Variants in GPN1 observed in about 807,000 individuals in gnomAD.
GPN1 encodes the protein ATP(GTP)-binding protein.
A neutral mutation model predicts 55.9 loss-of-function variants in GPN1; 44 were observed. That is an observed-to-expected ratio of 0.79 (90% CI 0.62 to 1.01). The LOEUF (loss-of-function observed/expected upper bound fraction) is 1.01. Ranked by LOEUF, GPN1 falls within the 50% of genes least tolerant of loss-of-function variation. The pLI, the probability that GPN1 is intolerant of heterozygous loss-of-function variation, is 0.00. For synonymous variants in GPN1, 179 were observed against 162.5 expected (o/e 1.10, Z -0.77); for missense variants, 466 against 462.8 (o/e 1.01, Z -0.06).
intron 7 of GPN1, among the ~76,000 whole-genome samples, chr2:27,637,031 G>C (rs987366850): frequency 7.9e-5 from 12 of 151,842 alleles, no homozygotes; most frequent in African/African-American, 2.4e-4. Context: ...ACAATTTGGG[G>C]GTTAGAGGCG....
chr2:27,641,170 T>G (rs1673931787), intron 10 of GPN1, 70 bp from the exon 11 acceptor site: 5 of 960,208 alleles, frequency 5.2e-6, no homozygotes, highest in Non-Finnish European at 8.3e-6. Flanking sequence ...AAAATAGAGA[T>G]AAGGGGATGT....
At chr2:27,648,522 C>CA (rs1197587868) in intron 13 of GPN1, among the ~76,000 whole-genome samples, 1 of 152,014 alleles carries the variant, frequency 6.6e-6, no homozygotes, top group Non-Finnish European at 1.5e-5. Context: ...ATCTCAAAAA[C>CA]AAAAAACACA....
Position 27,629,884 on chromosome 2 carries a change from A to C in GPN1, c.137A>C (p.Gln46Pro). 1 of 1,608,996 alleles carries C rather than the reference A, an allele frequency of 6.2e-7. No homozygotes were observed. The highest frequency in any genetic ancestry group is 8.5e-7 in the Non-Finnish European group (1 of 1,175,266). Reference protein sequence around the residue: ...VQRLTGHLHAQGTPPYVINLD... With the variant: ...VQRLTGHLHAPGTPPYVINLD... ...AGGCTCACAGGACACCTGCATGCCC[A>C]AGGCACTCCACCGTATGTGATCAAC... Residue 46 changes from glutamine to proline, a missense_variant, in exon 2 of 14, where the codon CAA becomes CCA. Gln to Pro is a moderately conservative substitution (Grantham distance 76). Coordinates refer to ENST00000610189, the MANE Select transcript of GPN1 (RefSeq NM_007266.4).
rs76906631 is a variant in GPN1 at position 27,631,556 on chromosome 2, A to G, written c.246-278A>G. The G allele has an allele frequency of 4.0e-3, 2,112 of 529,832 alleles. 39 individuals are homozygous for G. Among genetic ancestry groups the G allele is most frequent in the African/African-American group, 0.037 (1,924 of 52,318 alleles). The allele number at this position is 529,832 out of a possible 1,614,324, so 32.8% of individuals were successfully genotyped here. On this transcript the variant is annotated intron_variant, in intron 3 of 13. Coordinates refer to ENST00000610189, the MANE Select transcript of GPN1 (RefSeq NM_007266.4). The stretch of plus-strand genomic sequence containing the variant: ...GTTATACAGGTGGCCTTAATGACCA[A>G]TGCCAGTGGGCTGTCACTGCCTGAT...
rs141647929 is a variant in GPN1, at chr2:27,636,889, C to T, written c.525-1321C>T. Reference sequence around the variant, plus strand: ...TTAGAGGTGGGGTCTCGCCATGCTGCCCAGGCTGGTTTTGAACTCGTGGGC... The same window carrying T: ...TTAGAGGTGGGGTCTCGCCATGCTGTCCAGGCTGGTTTTGAACTCGTGGGC... On this transcript the variant is annotated intron_variant, in intron 7 of 13. Coordinates refer to ENST00000610189, the MANE Select transcript of GPN1 (RefSeq NM_007266.4). Among the ~76,000 whole-genome samples, 13 of 152,190 alleles carry T rather than the reference C, an allele frequency of 8.5e-5. No individual in the cohort carries two copies. In the East Asian group the frequency reaches 2.1e-3, roughly 25 times the overall value.
At chr2:27,639,224 A>G (rs917011094) in intron 9 of GPN1, among the ~76,000 whole-genome samples, 193 bp downstream of exon 9, 1 of 152,248 alleles carries the variant, frequency 6.6e-6, no homozygotes, top group Admixed American at 6.5e-5. Context: ...TTTATAGTCT[A>G]TTTGGGAGAG....
chr2:27,629,554 C>T lies in GPN1; in HGVS notation c.112-305C>T, dbSNP rs574768224. 281 of 734,372 alleles carry T rather than the reference C, an allele frequency of 3.8e-4. 3 individuals carry two copies. In the South Asian group the frequency reaches 4.4e-3, roughly 12 times the overall value. 45.5% of individuals were successfully genotyped at this position (734,372 alleles called of 1,614,324 possible). On this transcript the variant is annotated intron_variant, in intron 1 of 13. Transcript: ENST00000610189. Reference sequence around the variant, plus strand: ...CATGTTCCATTCACTGGGGATATAGCGAAAATGAGGTTGACAAGATTCATT... The same window carrying T: ...CATGTTCCATTCACTGGGGATATAGTGAAAATGAGGTTGACAAGATTCATT...
chr2:27,631,168 C>T, intron 3 of GPN1, 102 bp downstream of exon 3: 1 of 701,050 alleles, frequency 1.4e-6, no homozygotes, highest in South Asian at 1.5e-5. Flanking sequence ...GTGAAATATA[C>T]AAGCAAAAGG....
rs377719472 is a variant in GPN1, at chr2:27,640,102, C to T, written c.777C>T (p.Thr259=). ...TAGATGAACTCTTTGTGCAAGTTAC[C>T]AGTGCTGCCGAAGAATATGAAAGGT... is the stretch of plus-strand genomic sequence containing the variant. The part of the protein sequence containing the change: ...TGLDELFVQV[T]SAAEEYEREY... Residue 259 remains threonine (T), a synonymous_variant, in exon 10 of 14, where the codon ACC becomes ACT. Transcript: ENST00000610189. 2 of 1,610,648 alleles carry T rather than the reference C, an allele frequency of 1.2e-6. No homozygotes were observed. The highest frequency in any genetic ancestry group is 1.3e-5 in the African/African-American group (1 of 74,942).
chr2:27,644,716 T>TC (rs397772754), intron 12 of GPN1, among the ~76,000 whole-genome samples: 3 of 149,976 alleles, frequency 2.0e-5, no homozygotes, highest in Non-Finnish European at 3.0e-5. Context: ...GTTTTTTTTT[T>TC]GGTAGTGTTT....
chr2:27,642,469 G>A lies in GPN1; in HGVS notation c.881G>A (p.Arg294His), dbSNP rs566196119. Residue 294 changes from arginine to histidine, a missense_variant, in exon 12 of 14, where the codon CGC (arginine) becomes CAC (histidine). Transcript: ENST00000610189. ...ESQQQREQLE[R>H]LRKDMGSVAL... Reference sequence around the variant, plus strand: ...CAACAGCAGAGAGAACAACTGGAACGCCTTCGAAAAGATATGGGTTCTGTA... The same window carrying A: ...CAACAGCAGAGAGAACAACTGGAACACCTTCGAAAAGATATGGGTTCTGTA... The A allele has an allele frequency of 9.9e-6, 16 of 1,613,582 alleles. No homozygotes were observed. The highest frequency in any genetic ancestry group is 1.7e-4 in the Middle Eastern group (1 of 6,058).
Position 27,635,122 on chromosome 2 carries a change from AT to A in GPN1, c.430-11del. 1.4e-6 allele frequency: 2 copies of A among 1,461,386 alleles called. No individual in the cohort carries two copies. The highest frequency in any genetic ancestry group is 1.9e-6 in the Non-Finnish European group (2 of 1,044,882). 90.5% of individuals were successfully genotyped at this position (1,461,386 alleles called of 1,614,324 possible). ...CGTGAGCCCTCTGACCAAGGCTTTG[AT>A]TTTTTTGTGGCTTTAGGCATCCTCA... On this transcript the variant is annotated splice_polypyrimidine_tract_variant and intron_variant, in intron 6 of 13. Transcript: ENST00000610189.
intron 11 of GPN1, 45 bp from the exon 12 acceptor site, chr2:27,642,384 G>T: frequency 1.7e-6 from 2 of 1,145,980 alleles, no homozygotes; most frequent in South Asian, 1.2e-5. Context: ...CATCTAATTT[G>T]GGACTCCTTT....
At chr2:27,639,896 G>A (rs1273840141) in intron 9 of GPN1, 147 bp from the exon 10 acceptor site, 1 of 681,428 alleles carries the variant, frequency 1.5e-6, no homozygotes. Context: ...GTGCTGTTTT[G>A]TTCTTTTTTA....
In GPN1 at chr2:27,631,834, A is replaced by C; in HGVS notation, c.246A>C (p.Gln82His). 6.3e-7 allele frequency: 1 copy of C among 1,579,570 alleles called. No homozygotes were observed. The highest frequency in any genetic ancestry group is 8.7e-7 in the Non-Finnish European group (1 of 1,148,412). ...DTVKYKEVMK[Q>H]YGLGPNGGIV... The stretch of plus-strand genomic sequence containing the variant: ...TTTCAGTCCTCAACTTGGTGTCTAG[A>C]TATGGACTTGGACCCAATGGCGGCA... The change falls in exon 4 of 14, where the codon CAA (glutamine) becomes CAC (histidine). Residue 82 changes from glutamine to histidine, a missense_variant and splice_region_variant. Transcript: ENST00000610189.
intron 1 of GPN1, chr2:27,629,438 C>T (rs1319959406): frequency 6.5e-7 from 1 of 1,541,860 alleles, no homozygotes; most frequent in African/African-American, 1.4e-5. Flanking sequence ...TTGCGTTTCT[C>T]GGAGGCAAGT....
intron 5 of GPN1, 64 bp from the exon 6 acceptor site, chr2:27,634,782 A>G: frequency 1.1e-6 from 1 of 918,572 alleles, no homozygotes; most frequent in South Asian, 1.3e-5. Flanking sequence ...ATTGTCTTAT[A>G]TGATGGAATA....
intron 12 of GPN1, among the ~76,000 whole-genome samples, chr2:27,645,331 C>T (rs998412574): frequency 6.6e-6 from 1 of 152,000 alleles, no homozygotes; most frequent in Non-Finnish European, 1.5e-5. Flanking sequence ...TATGCCTGTA[C>T]CATGTTGTTT....
chr2:27,642,958 T>TAC (rs1553358324), intron 12 of GPN1, among the ~76,000 whole-genome samples: 1,501 of 122,608 alleles, frequency 0.012, 25 homozygotes, highest in South Asian at 0.034. Context: ...TATATATATA[T>TAC]ACACACACAC....
Sources: gnomAD v4.1 joint callset for allele counts (sites outside exome capture counted in the v4.1 genomes callset) on GRCh38, gnomAD v4.1.1 for gene constraint, MANE v1.5 for transcripts, NCBI Gene and HGNC (gene_info 2026-07-23, HGNC 2026-07-21) for gene names.